MFSD1: variants seen among roughly 807,000 people sequenced by gnomAD.
MFSD1 encodes the protein major facilitator superfamily domain containing 1, also known as lysosomal dipeptide transporter MFSD1.
Under a neutral mutation model 67.1 loss-of-function variants are expected in MFSD1, and 59 were observed. The observed-to-expected ratio is 0.88, with a 90% CI of 0.71 to 1.09. The LOEUF is 1.09. MFSD1 is among the 50% of genes least tolerant of loss of function. The pLI is 0.00. For synonymous variants in MFSD1, 213 were observed against 200.3 expected (o/e 1.06, Z -0.54); for missense variants, 552 against 566.1 (o/e 0.97, Z 0.25).
chr3:158,804,339 A>T lies in MFSD1; in HGVS notation c.184A>T (p.Asn62Tyr). Residue 62 changes from asparagine to tyrosine, a missense_variant, in exon 2 of 16, where the codon AAT becomes TAT. Physicochemically the swap from Asn to Tyr is moderately radical, Grantham distance 143. Transcript: ENST00000415822. ...TCTAGGCAGCTATTTTTGCTATGATAATCCTGCTGCCCTTCAGACTCAAGT... is the reference window on the plus strand; with the variant it reads ...TCTAGGCAGCTATTTTTGCTATGATTATCCTGCTGCCCTTCAGACTCAAGT... ...LGFGSYFCYD[N>Y]PAALQTQVKR... 6.2e-7 allele frequency: 1 copy of T among 1,610,866 alleles called. No homozygotes were observed. The highest frequency in any genetic ancestry group is 8.5e-7 in the Non-Finnish European group (1 of 1,178,930).
Position 158,802,072 on chromosome 3 carries a change from T to C in MFSD1, c.-81T>C. ...CTCCCGGAGTCATGTGACCGCCGTC[T>C]TGACAGTGTTCCACGGGCGCTGCTT... On this transcript the variant is annotated 5_prime_UTR_variant, in exon 1 of 16. Transcript: ENST00000415822. 6.4e-7 allele frequency: 1 copy of C among 1,563,398 alleles called. No homozygotes were observed. The highest frequency in any genetic ancestry group is 8.6e-7 in the Non-Finnish European group (1 of 1,159,742).
intron 7 of MFSD1, among the ~76,000 whole-genome samples, chr3:158,816,626 T>C (rs1025555882): frequency 2.2e-4 from 34 of 151,254 alleles, no homozygotes; most frequent in African/African-American, 8.3e-4. Context: ...TGGTAGTTTC[T>C]TTTGCTGTGC....
chr3:158,805,228 A>T, intron 2 of MFSD1, 134 bp from the exon 3 acceptor site: 1 of 723,454 alleles, frequency 1.4e-6, no homozygotes. Context: ...GAGACTTATA[A>T]ATGGTTAAAA....
intron 11 of MFSD1, chr3:158,822,958 T>G (rs1730752602): frequency 6.4e-6 from 1 of 157,222 alleles, no homozygotes; most frequent in Non-Finnish European, 1.4e-5. Context: ...GAAGAAAAAA[T>G]CAGCATTAGG....
chr3:158,816,312 T>C (rs1472128111), intron 7 of MFSD1, among the ~76,000 whole-genome samples: 2 of 152,140 alleles, frequency 1.3e-5, no homozygotes, highest in Admixed American at 6.5e-5. Flanking sequence ...CTCTCCAGCA[T>C]CTGTTGTTTC....
Position 158,805,345 on chromosome 3 carries a change from A to T in MFSD1, c.217-17A>T. Reference sequence around the variant, plus strand: ...TAACTGTTTGGAAAAAAATAGTTTTATTTTCTTTTCATATAGGATATGCAA... The same window carrying T: ...TAACTGTTTGGAAAAAAATAGTTTTTTTTTCTTTTCATATAGGATATGCAA... On this transcript the variant is annotated splice_polypyrimidine_tract_variant and intron_variant, in intron 2 of 15. Transcript: ENST00000415822. 6.3e-7 allele frequency: 1 copy of T among 1,582,700 alleles called. No individual in the cohort carries two copies.
chr3:158,823,375 A>G (rs1275723571), intron 11 of MFSD1, 53 bp from the exon 12 acceptor site: 2 of 1,246,494 alleles, frequency 1.6e-6, no homozygotes, highest in Non-Finnish European at 2.4e-6. Flanking sequence ...TTAAAGGAAA[A>G]TCACCTTTTG....
chr3:158,823,398 C>CTG (rs754631233), intron 11 of MFSD1, 30 bp from the exon 12 acceptor site: 2 of 1,445,180 alleles, frequency 1.4e-6, no homozygotes, highest in Admixed American at 1.7e-5. Context: ...TAATGTAAGA[C>CTG]TGTGACCTTT....
chr3:158,826,118 T>A (rs1346341203), intron 14 of MFSD1, 56 bp downstream of exon 14: 1 of 1,469,972 alleles, frequency 6.8e-7, no homozygotes, highest in Non-Finnish European at 9.5e-7. Flanking sequence ...TCTTGTGGGG[T>A]CTCTGGGTCT....
intron 2 of MFSD1, 69 bp from the exon 3 acceptor site, chr3:158,805,293 A>G (rs1729667197): frequency 1.7e-6 from 2 of 1,207,704 alleles, no homozygotes; most frequent in Non-Finnish European, 2.5e-6. Flanking sequence ...TTAGATTGTC[A>G]TATTTTGATT....
intron 6 of MFSD1, 119 bp downstream of exon 6, chr3:158,809,406 A>T (rs909498190): frequency 3.0e-6 from 2 of 656,668 alleles, no homozygotes; most frequent in African/African-American, 3.7e-5. Flanking sequence ...ATTAACTTTT[A>T]TGGATTTCTC....
At position 158,802,200 on chromosome 3, in the gene MFSD1, T is replaced by C. The variant is rs776172675; in HGVS notation, c.48T>C (p.Pro16=). 1 of 1,610,914 alleles carries C rather than the reference T, an allele frequency of 6.2e-7. No homozygotes were observed. Among genetic ancestry groups the C allele is most frequent in the Non-Finnish European group, 8.5e-7 (1 of 1,179,138 alleles). Residue 16 remains proline (P), a synonymous_variant, in exon 1 of 16, where the codon CCT becomes CCC. Coordinates refer to ENST00000415822, the MANE Select transcript of MFSD1 (RefSeq NM_022736.4). Reference sequence around the variant, plus strand: ...CGCGGGCGCTCCTGGCAGGCGGCCCTGACGAGGCCGACAGAGGTGCCCCGG... The same window carrying C: ...CGCGGGCGCTCCTGGCAGGCGGCCCCGACGAGGCCGACAGAGGTGCCCCGG... ...EEARALLAGG[P]DEADRGAPAA... is the part of the protein sequence containing the mutation.
At position 158,813,992 on chromosome 3, in the gene MFSD1, G is replaced by A. The variant is rs1430387782; in HGVS notation, c.577G>A (p.Gly193Arg). ...AAGTACAGTAAACATGAACCTCATG[G>A]GATGGCTGTATTCTAAGATTGAAGC... Reference protein sequence around the residue: ...IGSTVNMNLMGWLYSKIEALL... With the variant: ...IGSTVNMNLMRWLYSKIEALL... Residue 193 changes from glycine to arginine, a missense_variant, in exon 7 of 16, where the codon GGA becomes AGA. Gly to Arg is a moderately radical substitution (Grantham distance 125). Transcript: ENST00000415822. 2 of 1,613,414 alleles carry A rather than the reference G, an allele frequency of 1.2e-6. No homozygotes were observed. The highest frequency in any genetic ancestry group is 3.3e-5 in the Admixed American group (2 of 59,998).
Position 158,820,231 on chromosome 3 carries a change from A to C in MFSD1, c.768A>C (p.Leu256Phe), listed in dbSNP as rs750084494. Residue 256 changes from leucine to phenylalanine, a missense_variant, in exon 9 of 16, where the codon TTA becomes TTC. Coordinates refer to ENST00000415822, the MANE Select transcript of MFSD1 (RefSeq NM_022736.4). ...TTCTCTAAGGTGAAGTTATTAAATT[A>C]ACTGATGTAAAGGACTTCTCCTTAC... Reference protein sequence around the residue: ...EQGKTGEVIKLTDVKDFSLPL... With the variant: ...EQGKTGEVIKFTDVKDFSLPL... 7 of 1,598,770 alleles carry C rather than the reference A, an allele frequency of 4.4e-6. No individual in the cohort carries two copies. The highest frequency in any genetic ancestry group is 8.6e-7 in the Non-Finnish European group (1 of 1,166,506).
chr3:158,803,979 G>T (rs1033201583), intron 1 of MFSD1, among the ~76,000 whole-genome samples: 1 of 152,068 alleles, frequency 6.6e-6, no homozygotes, highest in Non-Finnish European at 1.5e-5. Context: ...ATGTGTGTTT[G>T]TAAATAAGGA....
At chr3:158,815,952 T>C (rs1346825184) in intron 7 of MFSD1, among the ~76,000 whole-genome samples, 1 of 152,102 alleles carries the variant, frequency 6.6e-6, no homozygotes, top group East Asian at 1.9e-4. Flanking sequence ...TGATTTCCAG[T>C]TTCATCCATG....
At chr3:158,811,810 A>G (rs1035165999) in intron 6 of MFSD1, among the ~76,000 whole-genome samples, 2 of 152,230 alleles carry the variant, frequency 1.3e-5, no homozygotes, top group Non-Finnish European at 2.9e-5. Context: ...ATACTAGCTA[A>G]TGGCATTACT....
intron 13 of MFSD1, 25 bp downstream of exon 13, chr3:158,824,261 T>C: frequency 6.7e-7 from 1 of 1,502,142 alleles, no homozygotes; most frequent in Non-Finnish European, 9.2e-7. Flanking sequence ...TGACAACATT[T>C]TGTTTCTTTT....
chr3:158,827,246 A>C (rs1353601603), intron 14 of MFSD1, 34 bp from the exon 15 acceptor site: 2 of 1,358,722 alleles, frequency 1.5e-6, no homozygotes, highest in African/African-American at 3.0e-5. Context: ...GATAATACTT[A>C]TATGGAAAAG....
Sources: allele counts gnomAD v4.1 joint callset (sites outside exome capture counted in the v4.1 genomes callset), GRCh38; gene constraint gnomAD v4.1.1; transcripts MANE v1.5; gene names NCBI Gene and HGNC (gene_info 2026-07-23, HGNC 2026-07-21).